The following HBS1L variants were observed in gnomAD, a reference collection of about 807,000 sequenced individuals.
HBS1L encodes HBS1-like protein.
In HBS1L, 55 loss-of-function variants were observed where a neutral mutation model predicts 88.9. That is an observed-to-expected ratio of 0.62 (90% confidence interval 0.50 to 0.77). The LOEUF (loss-of-function observed/expected upper bound fraction) is 0.77. Ranked by LOEUF, HBS1L falls within the 30% of genes least tolerant of loss-of-function variation. HBS1L has a pLI of 0.00. For synonymous variants in HBS1L, 267 were observed against 288.5 expected (o/e 0.93, Z 0.76); for missense variants, 741 against 829.3 (o/e 0.89, Z 1.31).
At chr6:135,049,196 T>G (rs1269114213) in intron 2 of HBS1L, among the ~76,000 whole-genome samples, 2 of 152,240 alleles carry the variant, frequency 1.3e-5, no homozygotes, top group African/African-American at 4.8e-5. Flanking sequence ...CAAGGCAGTC[T>G]GTGTGTGGTG....
chr6:135,031,792 G>T (rs1776390335), intron 4 of HBS1L, among the ~76,000 whole-genome samples: 1 of 151,518 alleles, frequency 6.6e-6, no homozygotes, highest in Non-Finnish European at 1.5e-5. Context: ...AATTAGGCAT[G>T]TCAATGTCGG....
At chr6:135,001,711 C>T (rs1397928879) in intron 5 of HBS1L, among the ~76,000 whole-genome samples, 1 of 152,054 alleles carries the variant, frequency 6.6e-6, no homozygotes, top group Admixed American at 6.5e-5. Context: ...AATTAATGTA[C>T]ACTGAATGCC....
chr6:135,039,917 T>G (rs1037201320), intron 3 of HBS1L, 150 bp from the exon 4 acceptor site: 3 of 619,970 alleles, frequency 4.8e-6, no homozygotes, highest in African/African-American at 3.7e-5. Context: ...GATCGTATTT[T>G]TATCTACAAT....
chr6:135,047,781 T>C (rs146659208), intron 2 of HBS1L, among the ~76,000 whole-genome samples: 1 of 152,338 alleles, frequency 6.6e-6, no homozygotes, highest in East Asian at 1.9e-4. Context: ...CTATATGCCA[T>C]GCTCTCTAAT....
intron 4 of HBS1L, among the ~76,000 whole-genome samples, chr6:135,018,811 G>GT (rs1775994126): frequency 6.6e-6 from 1 of 151,696 alleles, no homozygotes; most frequent in African/African-American, 2.4e-5. Flanking sequence ...ATACATTGGT[G>GT]TTTTTTTACC....
At chr6:135,037,292 T>C in intron 4 of HBS1L, 1 of 1,551,916 alleles carries the variant, frequency 6.4e-7, no homozygotes, top group South Asian at 1.2e-5. Flanking sequence ...AAGCACTGGC[T>C]TATATTGTTT....
chr6:135,012,839 C>T (rs945391226), intron 4 of HBS1L, among the ~76,000 whole-genome samples: 7 of 152,176 alleles, frequency 4.6e-5, no homozygotes, highest in African/African-American at 1.7e-4. Context: ...GAAGCCATGG[C>T]TTCTTGGTAA....
chr6:135,015,225 G>A (rs567223186), intron 4 of HBS1L, among the ~76,000 whole-genome samples: 104 of 152,176 alleles, frequency 6.8e-4, no homozygotes, highest in Non-Finnish European at 2.8e-4. Context: ...CAATAGAGAG[G>A]GAGGCTGAAA....
At chr6:135,018,446 G>A (rs1040308041) in intron 4 of HBS1L, among the ~76,000 whole-genome samples, 1 of 151,952 alleles carries the variant, frequency 6.6e-6, no homozygotes, top group Non-Finnish European at 1.5e-5. Context: ...TCAATTTTAT[G>A]TAAATAACAC....
At position 135,004,083 on chromosome 6, in the gene HBS1L, T is replaced by C. The variant is rs577477640; in HGVS notation, c.431-1241A>G. On this transcript the variant is annotated intron_variant, in intron 4 of 17. Coordinates refer to ENST00000367837, the MANE Select transcript of HBS1L (RefSeq NM_006620.4). ...TGCATGTGCTACATTGGTAAACACA[T>C]ATACAGAAACCACTAACAATATAAG... Among the ~76,000 whole-genome samples, 80 of 152,168 alleles carry C rather than the reference T, an allele frequency of 5.3e-4. 3 individuals are homozygous for C. The South Asian group carries it at 0.014, about 27-fold the overall frequency.
intron 5 of HBS1L, among the ~76,000 whole-genome samples, chr6:134,998,130 T>A (rs1775343925): frequency 1.3e-5 from 2 of 152,240 alleles, no homozygotes; most frequent in South Asian, 4.1e-4. Flanking sequence ...TCTAAATGAC[T>A]ACAGTTCATA....
intron 2 of HBS1L, among the ~76,000 whole-genome samples, chr6:135,046,557 G>A (rs541333044): frequency 3.3e-5 from 5 of 152,170 alleles, no homozygotes; most frequent in African/African-American, 7.2e-5. Context: ...AAAAGTTAAC[G>A]TTTAAAAATC....
At chr6:135,000,778 A>G (rs1418363567) in intron 5 of HBS1L, among the ~76,000 whole-genome samples, 1 of 152,062 alleles carries the variant, frequency 6.6e-6, no homozygotes, top group Non-Finnish European at 1.5e-5. Flanking sequence ...TGTTGGTATC[A>G]CAAGCATGAG....
chr6:135,026,499 T>G (rs1776230496), intron 4 of HBS1L, among the ~76,000 whole-genome samples: 1 of 152,110 alleles, frequency 6.6e-6, no homozygotes, highest in Non-Finnish European at 1.5e-5. Context: ...TTTTTTAAAA[T>G]GACAGACATT....
At chr6:134,992,705 G>T (rs1170683819) in intron 8 of HBS1L, among the ~76,000 whole-genome samples, 1 of 152,038 alleles carries the variant, frequency 6.6e-6, no homozygotes, top group Non-Finnish European at 1.5e-5. Flanking sequence ...TAAGCTAAGT[G>T]TTATTATAAG....
chr6:135,024,549 GT>G (rs34343700), intron 4 of HBS1L, among the ~76,000 whole-genome samples: 65,982 of 143,478 alleles, frequency 0.46, 15,114 homozygotes, highest in South Asian at 0.56. Flanking sequence ...TCTTGGGGGT[GT>G]TTTTTTTTTT....
At chr6:135,007,241 TATTTAAGTGAA>T (rs780093652) in intron 4 of HBS1L, among the ~76,000 whole-genome samples, 4 of 152,190 alleles carry the variant, frequency 2.6e-5, no homozygotes, top group Non-Finnish European at 4.4e-5. Flanking sequence ...AAAATGTGGT[TATTTAAGTGAA>T]AGTAGAGGGG....
chr6:135,003,205 TA>T (rs1484308527), intron 4 of HBS1L, among the ~76,000 whole-genome samples: 6 of 152,160 alleles, frequency 3.9e-5, no homozygotes, highest in African/African-American at 1.4e-4. Flanking sequence ...CCTTTCACAA[TA>T]CTAAAATTGT....
Position 135,002,718 on chromosome 6 carries a change from G to A in HBS1L, c.539+16C>T, listed in dbSNP as rs371842450. The A allele has an allele frequency of 1.1e-4, 151 of 1,434,360 alleles. No individual in the cohort carries two copies. The highest frequency in any genetic ancestry group is 1.4e-4 in the Non-Finnish European group (140 of 1,022,770). The allele number at this position is 1,434,360 out of a possible 1,614,324, so 88.9% of individuals were successfully genotyped here. A position where few individuals can be genotyped will look rare whatever the true frequency, so the allele number is the denominator to read the frequency against. On this transcript the variant is annotated intron_variant, in intron 5 of 17. Transcript: ENST00000367837. Reference sequence around the variant, plus strand: ...GGGGGTGGGGGTGGGGATGAGGGAGGTACTCAAAGTCTTACCCAGGCACTT... The same window carrying A: ...GGGGGTGGGGGTGGGGATGAGGGAGATACTCAAAGTCTTACCCAGGCACTT...
Sources: allele counts gnomAD v4.1 joint callset (sites outside exome capture counted in the v4.1 genomes callset), GRCh38; gene constraint gnomAD v4.1.1; transcripts MANE v1.5; gene names NCBI Gene and HGNC (gene_info 2026-07-23, HGNC 2026-07-21).